Variants in MDFIC2 observed in about 807,000 individuals in gnomAD.
MDFIC2 encodes myoD family inhibitor domain-containing protein 2.
chr3:70,222,326 G>A (rs929632331), intron 2 of MDFIC2, among the ~76,000 whole-genome samples: 6 of 152,276 alleles, frequency 3.9e-5, no homozygotes, highest in Admixed American at 6.5e-5. Context: ...TTACCATGAA[G>A]ATAAAACTAC....
chr3:70,277,284 A>G (rs1239916868), intron 2 of MDFIC2, among the ~76,000 whole-genome samples: 5 of 152,192 alleles, frequency 3.3e-5, no homozygotes, highest in African/African-American at 1.2e-4. Flanking sequence ...TACATATGAA[A>G]TTCATTTTGT....
At chr3:70,294,154 C>T (rs552931544) in intron 2 of MDFIC2, among the ~76,000 whole-genome samples, 158 of 152,016 alleles carry the variant, frequency 1.0e-3, no homozygotes, top group South Asian at 4.6e-3. Context: ...ATAATACTAC[C>T]CTAGCATTTA....
intron 2 of MDFIC2, among the ~76,000 whole-genome samples, chr3:70,310,158 T>G (rs905161021): frequency 2.6e-5 from 4 of 151,982 alleles, no homozygotes; most frequent in Admixed American, 1.3e-4. Context: ...TTAAAAGACC[T>G]TTTCAAAAAA....
chr3:70,256,882 A>T (rs550361763), intron 2 of MDFIC2, among the ~76,000 whole-genome samples: 1 of 152,306 alleles, frequency 6.6e-6, no homozygotes, highest in Admixed American at 6.5e-5. Flanking sequence ...ACTTCTGTAG[A>T]TGGATGCTTG....
chr3:70,250,120 G>GA (rs1701746446), intron 2 of MDFIC2, among the ~76,000 whole-genome samples: 2 of 152,134 alleles, frequency 1.3e-5, no homozygotes, highest in Admixed American at 6.6e-5. Context: ...TAAGCCAGGG[G>GA]ATTTTTTAGC....
chr3:70,288,013 C>A (rs1163631131), intron 2 of MDFIC2, among the ~76,000 whole-genome samples: 2 of 151,940 alleles, frequency 1.3e-5, no homozygotes, highest in Non-Finnish European at 2.9e-5. Flanking sequence ...AAACCAGCTC[C>A]TGGATTCATT....
At chr3:70,198,201 A>C (rs1430571098) in intron 3 of MDFIC2, among the ~76,000 whole-genome samples, 3 of 152,184 alleles carry the variant, frequency 2.0e-5, no homozygotes, top group African/African-American at 7.2e-5. Context: ...ACATTCTAGC[A>C]TGAATTAGAG....
chr3:70,248,533 G>T (rs1226675195), intron 2 of MDFIC2, among the ~76,000 whole-genome samples: 1 of 151,968 alleles, frequency 6.6e-6, no homozygotes, highest in Non-Finnish European at 1.5e-5. Flanking sequence ...AAACAAAGGA[G>T]AATTTAAAAC....
chr3:70,201,909 A>G (rs983192354), intron 3 of MDFIC2, among the ~76,000 whole-genome samples: 2 of 152,116 alleles, frequency 1.3e-5, no homozygotes, highest in Non-Finnish European at 2.9e-5. Context: ...AGATGGGAGG[A>G]AGAGAAAATT....
intron 3 of MDFIC2, among the ~76,000 whole-genome samples, chr3:70,202,918 A>G (rs1379835594): frequency 2.6e-5 from 4 of 152,052 alleles, no homozygotes; most frequent in Admixed American, 2.6e-4. Context: ...AGGTTCCACA[A>G]GTGTGTTTGA....
chr3:70,247,648 A>G (rs1050029737), intron 2 of MDFIC2, among the ~76,000 whole-genome samples: 6 of 151,952 alleles, frequency 3.9e-5, no homozygotes, highest in African/African-American at 1.4e-4. Flanking sequence ...CTCTAATAGC[A>G]CAAGGTAACT....
At chr3:70,287,596 T>A (rs1382262771) in intron 2 of MDFIC2, among the ~76,000 whole-genome samples, 1 of 152,150 alleles carries the variant, frequency 6.6e-6, no homozygotes, top group Non-Finnish European at 1.5e-5. Context: ...GAGGATTCCC[T>A]CTTTTTCTAT....
intron 2 of MDFIC2, among the ~76,000 whole-genome samples, chr3:70,216,901 T>C (rs1218635960): frequency 6.6e-6 from 1 of 152,230 alleles, no homozygotes; most frequent in East Asian, 1.9e-4. Context: ...GAACAACCTA[T>C]TATGCACAGG....
At chr3:70,232,592 G>C (rs1701570799) in intron 2 of MDFIC2, among the ~76,000 whole-genome samples, 1 of 151,870 alleles carries the variant, frequency 6.6e-6, no homozygotes, top group Non-Finnish European at 1.5e-5. Context: ...TAGAGACGGG[G>C]TTTCACTGTG....
At chr3:70,278,010 C>T (rs9681827) in intron 2 of MDFIC2, among the ~76,000 whole-genome samples, 8,829 of 152,040 alleles carry the variant, frequency 0.058, 632 homozygotes, top group East Asian at 0.36. Context: ...TACATTGATC[C>T]GTTTTTACAA....
intron 2 of MDFIC2, among the ~76,000 whole-genome samples, chr3:70,220,445 A>T (rs1415987505): frequency 6.6e-6 from 1 of 152,118 alleles, no homozygotes; most frequent in Non-Finnish European, 1.5e-5. Flanking sequence ...CTCTTAAAAA[A>T]AAAAATTACT....
At chr3:70,287,750 T>A (rs1702181663) in intron 2 of MDFIC2, among the ~76,000 whole-genome samples, 1 of 151,792 alleles carries the variant, frequency 6.6e-6, no homozygotes, top group Non-Finnish European at 1.5e-5. Context: ...GTTATTGGTC[T>A]ATTCAGAGAT....
chr3:70,289,193 G>C (rs1347805381), intron 2 of MDFIC2, among the ~76,000 whole-genome samples: 1 of 150,010 alleles, frequency 6.7e-6, no homozygotes, highest in South Asian at 2.2e-4. Context: ...TGCAGCGGCT[G>C]GTACCGGTTG....
chr3:70,233,273 TG>T (rs1156236162), intron 2 of MDFIC2, among the ~76,000 whole-genome samples: 1 of 151,986 alleles, frequency 6.6e-6, no homozygotes, highest in Non-Finnish European at 1.5e-5. Context: ...CTGAAATCTG[TG>T]GAGTGGGTGG....
Sources: allele counts gnomAD v4.1 joint callset (sites outside exome capture counted in the v4.1 genomes callset), GRCh38; gene constraint gnomAD v4.1.1; transcripts MANE v1.5; gene names NCBI Gene and HGNC (gene_info 2026-07-23, HGNC 2026-07-21).